The following ADAP1 variants were observed in gnomAD, a reference collection of about 807,000 sequenced individuals.
ADAP1 encodes ArfGAP with dual PH domains 1.
A neutral mutation model predicts 54.9 loss-of-function variants in ADAP1; 31 were observed. The ratio of observed to expected loss-of-function variants is 0.56; its 90% confidence interval spans 0.42 to 0.76. ADAP1 has a LOEUF of 0.76. Ranked by LOEUF, ADAP1 falls within the 30% of genes least tolerant of loss-of-function variation. ADAP1 has a pLI of 0.00. For missense variants in ADAP1, 535 were observed against 512.4 expected, an observed-to-expected ratio of 1.04 and a Z score of -0.42; for synonymous variants, 313 against 202.6, an observed-to-expected ratio of 1.55 and a Z score of -4.63.
At chr7:951,404 GCCGCTGC>G (rs1847269216) in intron 1 of ADAP1, among the ~76,000 whole-genome samples, 1 of 151,380 alleles carries the variant, frequency 6.6e-6, no homozygotes, top group African/African-American at 2.4e-5. Context: ...ACCTAGTTGG[GCCGCTGC>G]CCTGGGGAGT....
intron 4 of ADAP1, among the ~76,000 whole-genome samples, chr7:906,417 AGAAAGG>A (rs1845337430): frequency 1.8e-4 from 1 of 5,690 alleles, no homozygotes; most frequent in Non-Finnish European, 3.2e-4. Flanking sequence ...GGAGAAAGGG[AGAAAGG>A]GAAAGGAGAA....
At chr7:952,183 A>G (rs1156605704) in intron 1 of ADAP1, among the ~76,000 whole-genome samples, 2 of 152,084 alleles carry the variant, frequency 1.3e-5, no homozygotes, top group Non-Finnish European at 2.9e-5. Flanking sequence ...GGAACCCACT[A>G]TTGGGACAGG....
chr7:949,040 G>A (rs889240739), intron 1 of ADAP1, among the ~76,000 whole-genome samples: 1 of 152,202 alleles, frequency 6.6e-6, no homozygotes. Context: ...TTGTCCCCAA[G>A]TGCCATCACC....
intron 4 of ADAP1, among the ~76,000 whole-genome samples, chr7:909,634 C>T (rs1044663262): frequency 6.6e-6 from 1 of 152,230 alleles, no homozygotes; most frequent in African/African-American, 2.4e-5. Flanking sequence ...AGCCCCCAGT[C>T]GGCACCAGCA....
intron 2 of ADAP1, among the ~76,000 whole-genome samples, chr7:930,750 T>C (rs371779824): frequency 6.8e-6 from 1 of 147,832 alleles, no homozygotes; most frequent in Non-Finnish European, 1.5e-5. Flanking sequence ...ATGTGGGAGG[T>C]GGAGGTTGCA....
At chr7:919,678 G>A (rs1846089989) in intron 4 of ADAP1, among the ~76,000 whole-genome samples, 1 of 71,998 alleles carries the variant, frequency 1.4e-5, no homozygotes, top group Admixed American at 1.4e-4. Context: ...GACAGAAGGA[G>A]GGAGAGAGAG....
chr7:920,764 C>A lies in ADAP1; in HGVS notation c.306-714G>T, dbSNP rs984969447. On this transcript the variant is annotated intron_variant, in intron 3 of 10. Coordinates refer to ENST00000265846, the MANE Select transcript of ADAP1 (RefSeq NM_006869.4). This position sits in a 1 kb window ranked among gnomAD's most constrained non-coding sequence, Gnocchi z 4.5. ...TGCCCAGAGCCACCCACCACGGCCTCCCCATCCACCGTGACTCACTCGAGT... is the reference window on the plus strand; with the variant it reads ...TGCCCAGAGCCACCCACCACGGCCTACCCATCCACCGTGACTCACTCGAGT... 20 of 1,546,360 alleles carry A rather than the reference C, an allele frequency of 1.3e-5. No individual in the cohort carries two copies. In the African/African-American group the frequency reaches 2.7e-4, roughly 21 times the overall value.
intron 4 of ADAP1, among the ~76,000 whole-genome samples, chr7:909,688 C>T (rs1331030387): frequency 2.0e-5 from 3 of 152,264 alleles, no homozygotes; most frequent in African/African-American, 7.2e-5. Context: ...CAGCCCCTCA[C>T]ACGGCAGCGT....
intron 1 of ADAP1, among the ~76,000 whole-genome samples, chr7:953,197 C>T (rs111617889): frequency 0.015 from 2,357 of 152,322 alleles, 53 homozygotes; most frequent in African/African-American, 0.045. Flanking sequence ...CCACCCCCAC[C>T]GCACCATTGC....
intron 2 of ADAP1, among the ~76,000 whole-genome samples, chr7:929,774 T>C (rs1338605186): frequency 6.6e-6 from 1 of 151,990 alleles, no homozygotes; most frequent in Non-Finnish European, 1.5e-5. Context: ...GAGTGAATTG[T>C]ATGTGGATTA....
Position 906,400 on chromosome 7 carries a change from AGGGAAAGGAGAAAG to A in ADAP1, c.389-1242_389-1229del, listed in dbSNP as rs1187328541. ...AGAAAGGAGAAAGGAGAAAGGAGAA[AGGGAAAGGAGAAAG>A]GGAGAAAGGGAAAGGAGAAAGGAGA... On this transcript the variant is annotated intron_variant, in intron 4 of 10. Transcript: ENST00000265846. Among the ~76,000 whole-genome samples the A allele has an allele frequency of 7.5e-3, 195 of 26,120 alleles. 43 individuals are homozygous for A. The highest frequency in any genetic ancestry group is 0.011 in the Non-Finnish European group (150 of 13,106). 17.1% of individuals were successfully genotyped at this position (26,120 alleles called of 152,430 possible). A position where few individuals can be genotyped will look rare whatever the true frequency, so the allele number is the denominator to read the frequency against.
intron 1 of ADAP1, among the ~76,000 whole-genome samples, chr7:944,212 T>C (rs2128111469): frequency 6.6e-6 from 1 of 151,654 alleles, no homozygotes; most frequent in South Asian, 2.1e-4. Flanking sequence ...CCACTTCGCC[T>C]AACCAAGTCC....
chr7:922,384 C>A (rs1047481918), intron 3 of ADAP1, among the ~76,000 whole-genome samples: 4 of 152,100 alleles, frequency 2.6e-5, no homozygotes, highest in Non-Finnish European at 5.9e-5. Flanking sequence ...GGGCAGGGGG[C>A]CGGGCAGGTG....
intron 4 of ADAP1, among the ~76,000 whole-genome samples, chr7:913,534 GTA>G (rs907861355): frequency 7.2e-5 from 11 of 152,096 alleles, no homozygotes; most frequent in African/African-American, 2.7e-4. Context: ...CATTCTTTAT[GTA>G]TATGTCTATG....
At chr7:928,694 G>A (rs1421214943) in intron 2 of ADAP1, among the ~76,000 whole-genome samples, 1 of 152,254 alleles carries the variant, frequency 6.6e-6, no homozygotes, top group Non-Finnish European at 1.5e-5. Context: ...CAAGGTCAAA[G>A]TGGCACAGGG....
chr7:927,114 A>G, intron 2 of ADAP1: 1 of 1,304,124 alleles, frequency 7.7e-7, no homozygotes, highest in Non-Finnish European at 1.0e-6. Flanking sequence ...CTGGTGAGCG[A>G]GAGACCCAGA....
chr7:917,468 T>A (rs1356764099), intron 4 of ADAP1, among the ~76,000 whole-genome samples: 1 of 152,160 alleles, frequency 6.6e-6, no homozygotes, highest in Non-Finnish European at 1.5e-5. Context: ...GGGCCGCCTC[T>A]CTTTCACATA....
intron 1 of ADAP1, among the ~76,000 whole-genome samples, chr7:944,909 G>A (rs1429572115): frequency 3.4e-5 from 5 of 145,636 alleles, no homozygotes; most frequent in African/African-American, 1.1e-4. Context: ...AGCCCGGGGG[G>A]GTGACTCTGG....
Position 920,729 on chromosome 7 carries a change from C to T in ADAP1, c.306-679G>A. On this transcript the variant is annotated intron_variant, in intron 3 of 10. Coordinates refer to ENST00000265846, the MANE Select transcript of ADAP1 (RefSeq NM_006869.4). This position sits in a 1 kb window ranked among gnomAD's most constrained non-coding sequence, Gnocchi z 4.5. ...GGCCCCCCACGGCACCCACTGAGCC[C>T]AGACATCCCTGCCCAGAGCCACCCA... 6.7e-7 allele frequency: 1 copy of T among 1,481,758 alleles called. No individual in the cohort carries two copies. The highest frequency in any genetic ancestry group is 9.1e-7 in the Non-Finnish European group (1 of 1,092,996). The allele number at this position is 1,481,758 out of a possible 1,614,324, so 91.8% of individuals were successfully genotyped here.
Sources: allele counts gnomAD v4.1 joint callset (sites outside exome capture counted in the v4.1 genomes callset), GRCh38; gene constraint gnomAD v4.1.1; non-coding constraint Gnocchi (gnomAD v3.1); transcripts MANE v1.5; gene names NCBI Gene and HGNC (gene_info 2026-07-23, HGNC 2026-07-21).